The following ADAMTS16 variants were observed in gnomAD, a reference collection of about 807,000 sequenced individuals.
The protein encoded by ADAMTS16 is ADAM metallopeptidase with thrombospondin type 1 motif 16, also known as A disintegrin and metalloproteinase with thrombospondin motifs 16.
In ADAMTS16, 94 loss-of-function variants were observed where a neutral mutation model predicts 145.8. The ratio of observed to expected loss-of-function variants is 0.64; its 90% CI spans 0.55 to 0.77. The LOEUF (loss-of-function observed/expected upper bound fraction) is 0.77, where lower values mean the gene tolerates loss of function less well. Among genes scored for constraint, ADAMTS16 ranks in the 30% least tolerant of loss-of-function variants. The pLI is 0.00. For missense variants in ADAMTS16, 1,585 were observed against 1,591.5 expected (o/e 1.00, Z 0.07); for synonymous variants, 659 against 604.3 (o/e 1.09, Z -1.33).
chr5:5,140,897 T>C (rs1301160402), intron 2 of ADAMTS16, 131 bp downstream of exon 2: 2 of 20,430 alleles, frequency 9.8e-5, no homozygotes, highest in Non-Finnish European at 2.7e-4. Context: ...TGTTGTGAAC[T>C]TTTTTTTTTT....
chr5:5,270,293 G>C (rs1287004820), intron 18 of ADAMTS16, among the ~76,000 whole-genome samples: 1 of 152,158 alleles, frequency 6.6e-6, no homozygotes, highest in Non-Finnish European at 1.5e-5. Flanking sequence ...CTATGGAGTG[G>C]TCTGGTTGCC....
chr5:5,201,088 A>G (rs1475052752), intron 9 of ADAMTS16, among the ~76,000 whole-genome samples: 1 of 152,224 alleles, frequency 6.6e-6, no homozygotes, highest in Non-Finnish European at 1.5e-5. Context: ...TGCTCCACAC[A>G]GTCATTCAGA....
chr5:5,140,555 T>C lies in ADAMTS16; in HGVS notation c.72+16T>C, dbSNP rs1186065440. On this transcript the variant is annotated intron_variant, in intron 1 of 22. Transcript: ENST00000274181. ...GGCCGAGCAGGTGAGTCCCGGGCGC[T>C]CCCACCAGCGCGGAAACCGCGGGTC... 1 of 1,503,296 alleles carries C rather than the reference T, an allele frequency of 6.7e-7. No individual in the cohort carries two copies. The highest frequency in any genetic ancestry group is 2.6e-5 in the East Asian group (1 of 38,180). The allele number at this position is 1,503,296 out of a possible 1,614,324, so 93.1% of individuals were successfully genotyped here. A position where few individuals can be genotyped will look rare whatever the true frequency, so the allele number is the denominator to read the frequency against.
Position 5,306,620 on chromosome 5 carries a change from C to T in ADAMTS16, c.3303C>T (p.Pro1101=). ...ASKKCSHLPK[P]SLELERACAP... is the part of the protein sequence containing the mutation. The stretch of plus-strand genomic sequence containing the variant: ...AGAAGTGCTCACATTTGCCGAAGCC[C>T]AGCCTGGAGCTGGAACGTGCCTGCG... Residue 1101 remains proline (P), a synonymous_variant, in exon 21 of 23, where the codon CCC becomes CCT. Coordinates refer to ENST00000274181, the MANE Select transcript of ADAMTS16 (RefSeq NM_139056.4). The T allele has an allele frequency of 6.2e-7, 1 of 1,614,188 alleles. No individual in the cohort carries two copies. Among genetic ancestry groups the T allele is most frequent in the Admixed American group, 1.7e-5 (1 of 60,022 alleles).
chr5:5,215,365 A>C (rs899588799), intron 10 of ADAMTS16, among the ~76,000 whole-genome samples: 1 of 152,086 alleles, frequency 6.6e-6, no homozygotes, highest in Non-Finnish European at 1.5e-5. Flanking sequence ...TCCATAAGTC[A>C]TTGGGGTACA....
At position 5,235,104 on chromosome 5, in the gene ADAMTS16, C is replaced by T; in HGVS notation, c.1941C>T (p.Phe647=). 1 of 1,606,306 alleles carries T rather than the reference C, an allele frequency of 6.2e-7. No individual in the cohort carries two copies. The highest frequency in any genetic ancestry group is 1.1e-5 in the South Asian group (1 of 90,782). Residue 647 remains phenylalanine, a synonymous_variant, in exon 13 of 23, where the codon TTC becomes TTT. Coordinates refer to ENST00000274181, the MANE Select transcript of ADAMTS16 (RefSeq NM_139056.4). ...SQKCPRDSVD[F]RAAQCAEHNS... is the part of the protein sequence containing the mutation. The stretch of plus-strand genomic sequence containing the variant: ...AATGTCCCCGGGACAGTGTTGACTT[C>T]CGTGCTGCTCAGTGTGCCGAGCACA...
At chr5:5,258,899 T>G (rs1737896685) in intron 17 of ADAMTS16, among the ~76,000 whole-genome samples, 1 of 152,176 alleles carries the variant, frequency 6.6e-6, no homozygotes, top group South Asian at 2.1e-4. Context: ...TGTATATTTT[T>G]AAAAGGCAAT....
chr5:5,151,237 T>C (rs1734447547), intron 3 of ADAMTS16, among the ~76,000 whole-genome samples: 1 of 151,106 alleles, frequency 6.6e-6, no homozygotes, highest in Non-Finnish European at 1.5e-5. Flanking sequence ...TTTATTTATT[T>C]ATTTATTTAT....
chr5:5,140,717 C>T lies in ADAMTS16; in HGVS notation c.126C>T (p.Val42=). Residue 42 remains valine, a synonymous_variant, in exon 2 of 23, where the codon GTC becomes GTT. Coordinates refer to ENST00000274181, the MANE Select transcript of ADAMTS16 (RefSeq NM_139056.4). ...CGGCAGCGCCTGGGAGCCCGAGCGTCCCGCGTCCTCCTCCACCCGCGGAGC... is the reference window on the plus strand; with the variant it reads ...CGGCAGCGCCTGGGAGCCCGAGCGTTCCGCGTCCTCCTCCACCCGCGGAGC... The part of the protein sequence containing the change: ...PAAAAPGSPS[V]PRPPPPAERP... 6.4e-7 allele frequency: 1 copy of T among 1,570,238 alleles called. No individual in the cohort carries two copies. The highest frequency in any genetic ancestry group is 8.6e-7 in the Non-Finnish European group (1 of 1,159,760).
chr5:5,265,757 C>G (rs917026880), intron 18 of ADAMTS16, among the ~76,000 whole-genome samples: 3 of 152,166 alleles, frequency 2.0e-5, no homozygotes, highest in Non-Finnish European at 4.4e-5. Flanking sequence ...CCCTGCTCCC[C>G]GGACAGTGGG....
chr5:5,175,695 T>A (rs1735173705), intron 3 of ADAMTS16, among the ~76,000 whole-genome samples: 1 of 152,168 alleles, frequency 6.6e-6, no homozygotes, highest in Non-Finnish European at 1.5e-5. Context: ...ACTGGGATGG[T>A]TCTGACCCTC....
At chr5:5,223,981 A>G (rs1736681145) in intron 11 of ADAMTS16, among the ~76,000 whole-genome samples, 1 of 152,062 alleles carries the variant, frequency 6.6e-6, no homozygotes, top group South Asian at 2.1e-4. Flanking sequence ...AATATATCAC[A>G]TCTTATACAT....
At chr5:5,145,564 TATGTAAAC>T in intron 2 of ADAMTS16, among the ~76,000 whole-genome samples, 1 of 152,378 alleles carries the variant, frequency 6.6e-6, no homozygotes, top group East Asian at 1.9e-4. Flanking sequence ...GCATTGTGTT[TATGTAAAC>T]ATGGCTTACC....
intron 18 of ADAMTS16, among the ~76,000 whole-genome samples, chr5:5,284,213 C>G (rs1453876975): frequency 6.6e-6 from 1 of 152,166 alleles, no homozygotes; most frequent in African/African-American, 2.4e-5. Flanking sequence ...ACAAATTAAA[C>G]TAAAGCCATA....
intron 18 of ADAMTS16, among the ~76,000 whole-genome samples, chr5:5,300,478 G>T (rs1455632972): frequency 2.6e-5 from 4 of 152,112 alleles, no homozygotes; most frequent in African/African-American, 9.7e-5. Context: ...CCTGACATGT[G>T]TATTTTTTAT....
At chr5:5,253,656 A>G (rs1321475222) in intron 17 of ADAMTS16, among the ~76,000 whole-genome samples, 1 of 152,102 alleles carries the variant, frequency 6.6e-6, no homozygotes, top group African/African-American at 2.4e-5. Context: ...GTTCCCACCC[A>G]GGGACCACCA....
chr5:5,308,583 T>C (rs996788403), intron 21 of ADAMTS16, among the ~76,000 whole-genome samples: 1 of 152,196 alleles, frequency 6.6e-6, no homozygotes, highest in African/African-American at 2.4e-5. Flanking sequence ...AAAGGAAGTA[T>C]GGACAGAAAA....
chr5:5,148,226 G>T (rs1734355988), intron 3 of ADAMTS16, among the ~76,000 whole-genome samples: 1 of 152,114 alleles, frequency 6.6e-6, no homozygotes, highest in South Asian at 2.1e-4. Flanking sequence ...TCCATAGATG[G>T]TCACTACAAA....
intron 11 of ADAMTS16, among the ~76,000 whole-genome samples, chr5:5,230,477 C>T (rs2964439): frequency 0.76 from 115,741 of 152,078 alleles, 44,594 homozygotes; most frequent in African/African-American, 0.89. Flanking sequence ...GAAAGAGCTT[C>T]GAAGAAATGA....
Sources: gnomAD v4.1 joint callset for allele counts (sites outside exome capture counted in the v4.1 genomes callset) on GRCh38, gnomAD v4.1.1 for gene constraint, MANE v1.5 for transcripts, NCBI Gene and HGNC (gene_info 2026-07-23, HGNC 2026-07-21) for gene names.